TMEFF1: variants seen among roughly 807,000 people sequenced by gnomAD.
The protein encoded by TMEFF1 is transmembrane protein with EGF like and two follistatin like domains 1, also known as tomoregulin-1.
In TMEFF1, 20 loss-of-function variants were observed where a neutral mutation model predicts 47.5. The observed-to-expected ratio is 0.42, with a 90% confidence interval of 0.30 to 0.61. The LOEUF is 0.61. TMEFF1 is among the 20% of genes least tolerant of loss of function. The pLI, the probability that TMEFF1 is intolerant of heterozygous loss-of-function variation, is 0.19. For synonymous variants in TMEFF1, 162 were observed against 166.3 expected (o/e 0.97, Z 0.20); for missense variants, 411 against 471.1 (o/e 0.87, Z 1.18).
intron 5 of TMEFF1, among the ~76,000 whole-genome samples, chr9:100,533,101 G>T (rs997732337): frequency 3.3e-5 from 4 of 119,568 alleles, no homozygotes; most frequent in South Asian, 3.3e-4. Flanking sequence ...GGTGGGGGGA[G>T]GGGGGAGGGA....
rs753427510 is a variant in TMEFF1, at chr9:100,547,772, T to C, written c.589T>C (p.Tyr197His). ...GCVCNIDCSG[Y>H]SFNPVCASDG... ...TGTATGTAATATAGATTGCAGTGGA[T>C]ACAGTTTTAATCCTGTGTGTGCTTC... Residue 197 changes from tyrosine to histidine, a missense_variant, in exon 6 of 10, where the codon TAC (tyrosine) becomes CAC (histidine). Physicochemically the swap from Tyr to His is moderately conservative, Grantham distance 83 (BLOSUM62 2). Transcript: ENST00000374879. 9.4e-6 allele frequency: 15 copies of C among 1,598,140 alleles called. No individual in the cohort carries two copies. Among genetic ancestry groups the C allele is most frequent in the Admixed American group, 1.8e-5 (1 of 56,656 alleles).
At chr9:100,516,200 T>A (rs1010924347) in intron 4 of TMEFF1, among the ~76,000 whole-genome samples, 5 of 152,084 alleles carry the variant, frequency 3.3e-5, no homozygotes, top group African/African-American at 4.8e-5. Context: ...CTGAAATTAG[T>A]TTTTATGTAG....
rs879879924 is a variant in TMEFF1 at position 100,532,703 on chromosome 9, G to A, written c.561-15041G>A. Among the ~76,000 whole-genome samples the A allele has an allele frequency of 3.6e-3, 534 of 150,200 alleles. 4 individuals carry two copies. Among genetic ancestry groups the A allele is most frequent in the Non-Finnish European group, 3.9e-3 (262 of 67,510 alleles). ...GGCGATTCCTCAGGGATCTAGAACTGGAAATACCATTTGACCCAGCCATCC... is the reference window on the plus strand; with the variant it reads ...GGCGATTCCTCAGGGATCTAGAACTAGAAATACCATTTGACCCAGCCATCC... On this transcript the variant is annotated intron_variant, in intron 5 of 9. Transcript: ENST00000374879.
intron 1 of TMEFF1, among the ~76,000 whole-genome samples, chr9:100,487,244 A>G (rs1295102943): frequency 6.6e-6 from 1 of 151,932 alleles, no homozygotes; most frequent in East Asian, 1.9e-4. Flanking sequence ...GCTCACTGCA[A>G]CCTCTACCTC....
Position 100,576,773 on chromosome 9 carries a change from T to C in TMEFF1, c.*173T>C. On this transcript the variant is annotated 3_prime_UTR_variant, in exon 10 of 10. Transcript: ENST00000374879. ...CAGTTTTGGACTGTTTAGTAGTCTTTGTTTTATGTTTTTAAATACAGAAAT... is the reference window on the plus strand; with the variant it reads ...CAGTTTTGGACTGTTTAGTAGTCTTCGTTTTATGTTTTTAAATACAGAAAT... 1 of 647,004 alleles carries C rather than the reference T, an allele frequency of 1.5e-6. No individual in the cohort carries two copies. Among genetic ancestry groups the C allele is most frequent in the Non-Finnish European group, 2.4e-6 (1 of 425,046 alleles). 40.1% of individuals were successfully genotyped at this position (647,004 alleles called of 1,614,324 possible). A position where few individuals can be genotyped will look rare whatever the true frequency, so the allele number is the denominator to read the frequency against.
chr9:100,490,447 G>C (rs1031979908), intron 1 of TMEFF1, among the ~76,000 whole-genome samples: 24 of 152,134 alleles, frequency 1.6e-4, no homozygotes, highest in African/African-American at 5.6e-4. Context: ...TGTGTCATTA[G>C]AGGTGCCCCT....
At chr9:100,557,849 A>G (rs990222750) in intron 7 of TMEFF1, among the ~76,000 whole-genome samples, 2 of 146,402 alleles carry the variant, frequency 1.4e-5, no homozygotes, top group African/African-American at 5.1e-5. Flanking sequence ...TTTTTTTAAT[A>G]TCCTCTGTAG....
chr9:100,534,919 A>G (rs1838473721), intron 5 of TMEFF1, among the ~76,000 whole-genome samples: 1 of 152,086 alleles, frequency 6.6e-6, no homozygotes. Flanking sequence ...GCCCACTTTT[A>G]TCCTTTAGGT....
intron 8 of TMEFF1, among the ~76,000 whole-genome samples, chr9:100,570,864 GT>G (rs1242788965): frequency 6.6e-6 from 1 of 152,036 alleles, no homozygotes; most frequent in African/African-American, 2.4e-5. Context: ...CATAAATACT[GT>G]TTTTATACTT....
At chr9:100,573,504 G>A (rs780389344) in intron 9 of TMEFF1, among the ~76,000 whole-genome samples, 8 of 152,246 alleles carry the variant, frequency 5.3e-5, no homozygotes, top group South Asian at 2.1e-4. Flanking sequence ...CAGCAAGTTC[G>A]TGTTGTCTTT....
At chr9:100,542,942 T>A (rs894512947) in intron 5 of TMEFF1, among the ~76,000 whole-genome samples, 36 of 150,458 alleles carry the variant, frequency 2.4e-4, no homozygotes, top group Non-Finnish European at 5.0e-4. Flanking sequence ...TTTTTTTTTT[T>A]TTTGAGACAG....
chr9:100,544,494 C>T (rs1343773798), intron 5 of TMEFF1, among the ~76,000 whole-genome samples: 2 of 152,186 alleles, frequency 1.3e-5, no homozygotes, highest in Non-Finnish European at 2.9e-5. Context: ...CCCCATAATT[C>T]AGTCACCTCC....
chr9:100,573,793 C>G (rs747898683), intron 9 of TMEFF1, among the ~76,000 whole-genome samples: 1 of 152,214 alleles, frequency 6.6e-6, no homozygotes, highest in Non-Finnish European at 1.5e-5. Flanking sequence ...AGATATTTTT[C>G]ATAACACCTA....
chr9:100,566,077 A>G (rs1005237051), intron 8 of TMEFF1, among the ~76,000 whole-genome samples: 2 of 152,190 alleles, frequency 1.3e-5, no homozygotes, highest in African/African-American at 4.8e-5. Flanking sequence ...CCTGTGTGAT[A>G]TGCATTCTTC....
intron 1 of TMEFF1, among the ~76,000 whole-genome samples, chr9:100,480,381 T>C (rs1156345471): frequency 6.6e-6 from 1 of 152,242 alleles, no homozygotes; most frequent in Non-Finnish European, 1.5e-5. Context: ...GTGGTAATTA[T>C]GAGTATAATT....
chr9:100,574,529 G>A (rs1329565241), intron 9 of TMEFF1, among the ~76,000 whole-genome samples: 1 of 151,924 alleles, frequency 6.6e-6, no homozygotes, highest in Non-Finnish European at 1.5e-5. Flanking sequence ...GCGCCACCAT[G>A]CCTTGCTAAT....
intron 1 of TMEFF1, among the ~76,000 whole-genome samples, chr9:100,483,339 A>G (rs1193006675): frequency 6.6e-6 from 1 of 152,128 alleles, no homozygotes; most frequent in Non-Finnish European, 1.5e-5. Flanking sequence ...TCTATTAAAA[A>G]TACAAAAATT....
chr9:100,576,311 T>G (rs893973711), intron 9 of TMEFF1, among the ~76,000 whole-genome samples: 1 of 152,174 alleles, frequency 6.6e-6, no homozygotes, highest in African/African-American at 2.4e-5. Flanking sequence ...TCCTCTCAAC[T>G]TCCAGGTTTG....
Position 100,561,491 on chromosome 9 carries a change from C to A in TMEFF1, c.870C>A (p.Phe290Leu). 6.2e-7 allele frequency: 1 copy of A among 1,613,734 alleles called. No individual in the cohort carries two copies. The highest frequency in any genetic ancestry group is 8.5e-7 in the Non-Finnish European group (1 of 1,179,820). The change falls in exon 8 of 10, where the codon TTC becomes TTA. Residue 290 changes from phenylalanine (F) to leucine (L), a missense_variant. Physicochemically the swap from Phe to Leu is conservative, Grantham distance 22. Coordinates refer to ENST00000374879, the MANE Select transcript of TMEFF1 (RefSeq NM_003692.5). ...NGYCIHGKCE[F>L]IYSTQKASCR... ...ACTGCATCCATGGAAAATGTGAATT[C>A]ATCTATTCTACTCAGAAGGCTTCTT...
Sources: gnomAD v4.1 joint callset for allele counts (sites outside exome capture counted in the v4.1 genomes callset) on GRCh38, gnomAD v4.1.1 for gene constraint, MANE v1.5 for transcripts, NCBI Gene and HGNC (gene_info 2026-07-23, HGNC 2026-07-21) for gene names.